The following TMEM120B variants were observed in gnomAD, a reference collection of about 807,000 sequenced individuals.
TMEM120B encodes transmembrane protein 120B.
Under a neutral mutation model 55.5 loss-of-function variants are expected in TMEM120B, and 31 were observed. The observed-to-expected ratio is 0.56, with a 90% CI of 0.42 to 0.75. The LOEUF (loss-of-function observed/expected upper bound fraction) is 0.75, where lower values mean the gene tolerates loss of function less well. Ranked by LOEUF, TMEM120B falls within the 30% of genes least tolerant of loss-of-function variation. TMEM120B has a pLI of 0.00. For missense variants in TMEM120B, 399 were observed against 425.5 expected (o/e 0.94, Z 0.55); for synonymous variants, 203 against 176.3 (o/e 1.15, Z -1.20).
In TMEM120B at chr12:121,750,142, G is replaced by C. The variant is rs947112460; in HGVS notation, c.306-238G>C. ...GGCTGCAAGGCAGGCTTAGAAATAC[G>C]GTCTCTAGGGTAGCATGGAGGAGAA... On this transcript the variant is annotated intron_variant, in intron 3 of 11. Transcript: ENST00000449592. Among the ~76,000 whole-genome samples the C allele has an allele frequency of 3.3e-5, 5 of 152,024 alleles. No individual in the cohort carries two copies. The East Asian group carries it at 5.8e-4, about 18-fold the overall frequency.
intron 1 of TMEM120B, among the ~76,000 whole-genome samples, chr12:121,731,354 T>G (rs966450927): frequency 6.6e-6 from 1 of 152,130 alleles, no homozygotes; most frequent in Non-Finnish European, 1.5e-5. Flanking sequence ...CCAGCTCAAG[T>G]GATTCTCCTG....
Position 121,771,036 on chromosome 12 carries a change from G to A in TMEM120B, c.617+64G>A. ...GAGTAGAGCCTGGGGCCCGGGAATG[G>A]GGAGGGGGCTGATCCAGACAGCGGT... is the stretch of plus-strand genomic sequence containing the variant. On this transcript the variant is annotated intron_variant, in intron 7 of 11. Coordinates refer to ENST00000449592, the MANE Select transcript of TMEM120B (RefSeq NM_001080825.2). 1.9e-6 allele frequency: 3 copies of A among 1,557,860 alleles called. No homozygotes were observed. The South Asian group carries it at 3.4e-5, about 18-fold the overall frequency.
At chr12:121,765,689 G>C (rs978313080) in intron 6 of TMEM120B, among the ~76,000 whole-genome samples, 3 of 152,220 alleles carry the variant, frequency 2.0e-5, no homozygotes, top group Admixed American at 6.5e-5. Context: ...GGGCCAGCTT[G>C]TCGGGGAGGG....
In TMEM120B at chr12:121,774,682, G is replaced by A; in HGVS notation, c.797G>A (p.Arg266Gln). The change falls in exon 10 of 12, where the codon CGG (arginine) becomes CAG (glutamine). Residue 266 changes from arginine to glutamine, a missense_variant. Around this residue, in one of 3 missense-constraint regions of TMEM120B, gnomAD observed 260 missense variants for 303.9 expected, o/e 0.86. Transcript: ENST00000449592. ...GAAGGGTTCCAGTCCTGGATGTGGC[G>A]GGGCCTCACCTTTCTCCTGCCCTTC... ...TVEGFQSWMW[R>Q]GLTFLLPFLF... 8.7e-6 allele frequency: 14 copies of A among 1,613,926 alleles called. 1 individual carries two copies. The highest frequency in any genetic ancestry group is 5.5e-5 in the South Asian group (5 of 91,074).
intron 1 of TMEM120B, among the ~76,000 whole-genome samples, chr12:121,720,096 G>T (rs756999949): frequency 2.3e-4 from 35 of 152,160 alleles, no homozygotes; most frequent in Non-Finnish European, 4.3e-4. Flanking sequence ...TGACACCGAG[G>T]CACAGAGGGA....
intron 3 of TMEM120B, 64 bp downstream of exon 3, chr12:121,748,506 C>A (rs1873174524): frequency 1.8e-6 from 2 of 1,116,290 alleles, no homozygotes; most frequent in Non-Finnish European, 2.6e-6. Flanking sequence ...ACAGCTGGTC[C>A]ATATAACTCT....
intron 1 of TMEM120B, among the ~76,000 whole-genome samples, chr12:121,732,364 G>C (rs1895017908): frequency 6.6e-6 from 1 of 152,120 alleles, no homozygotes; most frequent in Non-Finnish European, 1.5e-5. Flanking sequence ...AGCTAAGGCT[G>C]GGGGTGGACT....
In TMEM120B at chr12:121,779,388, GC is replaced by G; in HGVS notation, c.*3670del. The G allele has an allele frequency of 8.5e-7, 1 of 1,175,192 alleles. No individual in the cohort carries two copies. The highest frequency in any genetic ancestry group is 1.5e-5 in the African/African-American group (1 of 65,222). The allele number at this position is 1,175,192 out of a possible 1,614,324, so 72.8% of individuals were successfully genotyped here. A position where few individuals can be genotyped will look rare whatever the true frequency, so the allele number is the denominator to read the frequency against. ...GAATGTTCCAAGAGTCTAGCCGCAG[GC>G]CCCAGACACCATGAGCTGGAGGGTC... On this transcript the variant is annotated 3_prime_UTR_variant, in exon 12 of 12. Transcript: ENST00000449592.
chr12:121,773,720 C>T (rs1053814365), intron 9 of TMEM120B, among the ~76,000 whole-genome samples: 52 of 152,076 alleles, frequency 3.4e-4, no homozygotes, highest in African/African-American at 1.2e-3. Flanking sequence ...GGCAGGGCCT[C>T]TGTCTCAGCC....
intron 1 of TMEM120B, among the ~76,000 whole-genome samples, chr12:121,723,974 T>A (rs1894843377): frequency 6.7e-6 from 1 of 149,406 alleles, no homozygotes; most frequent in Non-Finnish European, 1.5e-5. Flanking sequence ...TATAATTAAA[T>A]TTTTTTTTTG....
At chr12:121,716,772 A>T (rs1894711205) in intron 1 of TMEM120B, among the ~76,000 whole-genome samples, 1 of 152,018 alleles carries the variant, frequency 6.6e-6, no homozygotes, top group Non-Finnish European at 1.5e-5. Context: ...CATCTTGGCC[A>T]GTCTGGTCTA....
chr12:121,756,882 G>A (rs1283383500), intron 5 of TMEM120B, among the ~76,000 whole-genome samples: 3 of 152,214 alleles, frequency 2.0e-5, no homozygotes, highest in African/African-American at 7.2e-5. Flanking sequence ...CTGTGGGCAA[G>A]TCAGTTGTTC....
rs1484525434 is a variant in TMEM120B at position 121,779,668 on chromosome 12, TG to T, written c.*3952del. 6.2e-7 allele frequency: 1 copy of T among 1,613,256 alleles called. No homozygotes were observed. ...TGTTCGCAGGCGCTCAGGCCCTGGG[TG>T]GGGGGAGGAGCCAGCATTAGGTGAG... On this transcript the variant is annotated 3_prime_UTR_variant, in exon 12 of 12. Transcript: ENST00000449592.
chr12:121,775,347 G>A lies in TMEM120B; in HGVS notation c.906+217G>A, dbSNP rs1369642319. 5 of 884,822 alleles carry A rather than the reference G, an allele frequency of 5.7e-6. No individual in the cohort carries two copies. The highest frequency in any genetic ancestry group is 5.5e-5 in the African/African-American group (3 of 55,014). The allele number at this position is 884,822 out of a possible 1,614,324, so 54.8% of individuals were successfully genotyped here. ...GGGTGTTGTGGGGGGCCTGCTTGGC[G>A]GGAGGCTTCTGGAAGGGCTAGGGGT... On this transcript the variant is annotated intron_variant, in intron 11 of 11. Transcript: ENST00000449592. This position sits in a 1 kb window ranked among gnomAD's most constrained non-coding sequence, Gnocchi z 4.3.
chr12:121,775,720 T>A lies in TMEM120B; in HGVS notation c.1018T>A (p.Ter340ArgextTer63). ...QKNRGKTKQP[*>R] is the part of the protein sequence containing the mutation. ...GAACAGAGGCAAGACAAAGCAGCCG[T>A]GAGCCTCGGGCTCCTGTGCCCTCGG... is the stretch of plus-strand genomic sequence containing the variant. Residue 340 changes from the stop codon to arginine (R), a stop_lost, in exon 12 of 12, where the codon TGA becomes AGA. Transcript: ENST00000449592. This position sits in a 1 kb window ranked among gnomAD's most constrained non-coding sequence, Gnocchi z 4.3. 6.2e-7 allele frequency: 1 copy of A among 1,613,908 alleles called. No homozygotes were observed. The highest frequency in any genetic ancestry group is 1.3e-5 in the African/African-American group (1 of 75,062).
intron 1 of TMEM120B, among the ~76,000 whole-genome samples, chr12:121,731,773 G>C (rs1363965978): frequency 6.6e-6 from 1 of 152,188 alleles, no homozygotes; most frequent in Admixed American, 6.6e-5. Context: ...AAATGATTAA[G>C]AGGATAAATA....
chr12:121,713,312 T>C (rs1431573395), intron 1 of TMEM120B, among the ~76,000 whole-genome samples: 1 of 151,954 alleles, frequency 6.6e-6, no homozygotes, highest in African/African-American at 2.4e-5. Flanking sequence ...AGCCCCCACC[T>C]CTGCAGGGTC....
intron 1 of TMEM120B, among the ~76,000 whole-genome samples, chr12:121,729,623 T>G (rs1894957490): frequency 6.9e-6 from 1 of 145,804 alleles, no homozygotes; most frequent in Non-Finnish European, 1.5e-5. Context: ...CTGGGCAACA[T>G]AGACCATCTC....
intron 1 of TMEM120B, among the ~76,000 whole-genome samples, chr12:121,718,332 A>T (rs927783629): frequency 1.3e-5 from 2 of 151,832 alleles, no homozygotes; most frequent in Non-Finnish European, 2.9e-5. Context: ...AAACAAACAA[A>T]CAAACAAAAA....
Sources: gnomAD v4.1 joint callset for allele counts (sites outside exome capture counted in the v4.1 genomes callset) on GRCh38, gnomAD v4.1.1 for gene constraint, gnomAD v4.1.1 regional missense constraint, Gnocchi (gnomAD v3.1) non-coding constraint, MANE v1.5 for transcripts, NCBI Gene and HGNC (gene_info 2026-07-23, HGNC 2026-07-21) for gene names.